The following ARMH3 variants were observed in gnomAD, a reference collection of about 807,000 sequenced individuals.
The protein encoded by ARMH3 is armadillo like helical domain containing 3, also known as armadillo-like helical domain-containing protein 3.
In ARMH3, 60 loss-of-function variants were observed where a neutral mutation model predicts 99.1. That is an observed-to-expected ratio of 0.61 (90% CI 0.49 to 0.75). The LOEUF is 0.75. ARMH3 is among the 30% of genes least tolerant of loss of function. The probability of loss-of-function intolerance (pLI) is 0.00; values close to 1 mark genes in which losing one functional copy is unlikely to be tolerated. For synonymous variants in ARMH3, 285 were observed against 292.8 expected, an observed-to-expected ratio of 0.97 and a Z score of 0.27; for missense variants, 679 against 843.1, an observed-to-expected ratio of 0.81 and a Z score of 2.41.
intron 19 of ARMH3, among the ~76,000 whole-genome samples, chr10:101,985,088 C>CAT (rs1233428242): frequency 5.4e-5 from 7 of 129,352 alleles, no homozygotes; most frequent in Admixed American, 2.3e-4. Flanking sequence ...TACACACACA[C>CAT]ACACACACAC....
Position 101,959,850 on chromosome 10 carries a change from C to T in ARMH3, c.1496-2118G>A, listed in dbSNP as rs1249218230. 1.3e-5 allele frequency among the ~76,000 whole-genome samples: 2 copies of T among 152,190 alleles called. 1 individual carries two copies. Among genetic ancestry groups the T allele is most frequent in the South Asian group, 4.1e-4 (2 of 4,822 alleles). ...AATGCAGGTCAGATATTCTGCTCCC[C>T]CAAGAACCAAGGTCTTCTCACTTGG... On this transcript the variant is annotated intron_variant, in intron 20 of 25. Transcript: ENST00000370033.
At chr10:101,851,440 A>G (rs2135262073) in intron 24 of ARMH3, among the ~76,000 whole-genome samples, 1 of 152,184 alleles carries the variant, frequency 6.6e-6, no homozygotes, top group South Asian at 2.1e-4. Context: ...CATCATGGAG[A>G]GCTCCCTGCT....
At chr10:101,947,927 G>C (rs1590068427) in intron 22 of ARMH3, among the ~76,000 whole-genome samples, 1 of 152,054 alleles carries the variant, frequency 6.6e-6, no homozygotes, top group East Asian at 1.9e-4. Context: ...TGTAATCTTA[G>C]AGTAACTGCT....
At chr10:101,962,424 A>G (rs1235834094) in intron 20 of ARMH3, among the ~76,000 whole-genome samples, 5 of 150,806 alleles carry the variant, frequency 3.3e-5, no homozygotes, top group Admixed American at 6.6e-5. Context: ...TTTACCCTCT[A>G]TCTGATACCT....
chr10:101,864,897 AG>A (rs1406116304), intron 24 of ARMH3, among the ~76,000 whole-genome samples: 9 of 151,200 alleles, frequency 6.0e-5, no homozygotes, highest in Non-Finnish European at 1.2e-4. Flanking sequence ...TAAAAAAATC[AG>A]GACTTTACAA....
chr10:101,894,073 A>G (rs2135464141), intron 23 of ARMH3, among the ~76,000 whole-genome samples: 1 of 152,328 alleles, frequency 6.6e-6, no homozygotes, highest in Middle Eastern at 3.4e-3. Context: ...TAGAAACCTG[A>G]GTAAGGTGGA....
intron 23 of ARMH3, among the ~76,000 whole-genome samples, chr10:101,911,368 G>T (rs1209515208): frequency 6.6e-6 from 1 of 152,222 alleles, no homozygotes; most frequent in Non-Finnish European, 1.5e-5. Flanking sequence ...GTCTGGAGCA[G>T]GAAGTGTAGA....
intron 24 of ARMH3, among the ~76,000 whole-genome samples, chr10:101,885,958 G>A (rs2067530141): frequency 6.6e-6 from 1 of 152,018 alleles, no homozygotes; most frequent in African/African-American, 2.4e-5. Context: ...TAGGGAGGCT[G>A]ACGCAGGAGA....
chr10:102,007,042 T>A (rs960282910), intron 13 of ARMH3, among the ~76,000 whole-genome samples: 1 of 150,190 alleles, frequency 6.7e-6, no homozygotes, highest in African/African-American at 2.5e-5. Context: ...ATGCCTGTAG[T>A]CCCAACTACT....
intron 24 of ARMH3, among the ~76,000 whole-genome samples, chr10:101,855,925 A>G (rs1191315450): frequency 6.6e-6 from 1 of 151,998 alleles, no homozygotes; most frequent in Non-Finnish European, 1.5e-5. Context: ...TATATACCAG[A>G]ATTTTCTCTC....
chr10:102,030,507 G>A (rs1420026605), intron 4 of ARMH3, among the ~76,000 whole-genome samples: 5 of 151,988 alleles, frequency 3.3e-5, no homozygotes, highest in African/African-American at 4.8e-5. Flanking sequence ...TCAGGAGTTC[G>A]AGACCAGCTT....
Position 102,015,261 on chromosome 10 carries a change from A to G in ARMH3, c.670-1237T>C, listed in dbSNP as rs1017524174. ...TGCAAGTGGGTCCTTGGAAAAGAAA[A>G]TCAAGCAAAATCGGCTGACTTAGAT... On this transcript the variant is annotated intron_variant, in intron 8 of 25. Coordinates refer to ENST00000370033, the MANE Select transcript of ARMH3 (RefSeq NM_024541.3). Among the ~76,000 whole-genome samples, 2 of 152,128 alleles carry G rather than the reference A, an allele frequency of 1.3e-5. 1 individual carries two copies. Among genetic ancestry groups the G allele is most frequent in the Non-Finnish European group, 2.9e-5 (2 of 68,030 alleles).
intron 24 of ARMH3, among the ~76,000 whole-genome samples, chr10:101,884,977 T>A (rs1393909074): frequency 1.3e-5 from 2 of 152,094 alleles, no homozygotes; most frequent in African/African-American, 2.4e-5. Flanking sequence ...AACAAAAAAA[T>A]TCCCCAATTA....
intron 20 of ARMH3, among the ~76,000 whole-genome samples, chr10:101,962,578 T>A (rs1845346270): frequency 6.6e-6 from 1 of 152,244 alleles, no homozygotes; most frequent in Non-Finnish European, 1.5e-5. Context: ...TGTAAAGCAC[T>A]TAAATTATAT....
chr10:101,868,795 G>A (rs993463195), intron 24 of ARMH3, among the ~76,000 whole-genome samples: 3 of 152,202 alleles, frequency 2.0e-5, no homozygotes, highest in Admixed American at 2.0e-4. Context: ...TTCTGGGCCA[G>A]GCACGGTGGC....
At chr10:101,885,883 C>G (rs148746501) in intron 24 of ARMH3, among the ~76,000 whole-genome samples, 272 of 151,842 alleles carry the variant, frequency 1.8e-3, no homozygotes, top group Admixed American at 3.1e-3. Context: ...GGTGAAACCC[C>G]ATCTTTACTA....
intron 20 of ARMH3, among the ~76,000 whole-genome samples, chr10:101,971,172 A>C (rs1230648646): frequency 6.6e-6 from 1 of 152,052 alleles, no homozygotes; most frequent in Non-Finnish European, 1.5e-5. Flanking sequence ...TATGCTATAG[A>C]AAACACTCCA....
intron 24 of ARMH3, among the ~76,000 whole-genome samples, chr10:101,877,044 C>A (rs759407425): frequency 6.6e-6 from 1 of 151,856 alleles, no homozygotes; most frequent in Non-Finnish European, 1.5e-5. Flanking sequence ...CTGGTCTCCA[C>A]AAAAAATTTT....
At chr10:101,986,281 G>C (rs1260365943) in intron 19 of ARMH3, among the ~76,000 whole-genome samples, 1 of 152,084 alleles carries the variant, frequency 6.6e-6, no homozygotes, top group African/African-American at 2.4e-5. Context: ...AGTTTTCGAT[G>C]TAAGAGTAAC....
Sources: allele counts gnomAD v4.1 joint callset (sites outside exome capture counted in the v4.1 genomes callset), GRCh38; gene constraint gnomAD v4.1.1; transcripts MANE v1.5; gene names NCBI Gene and HGNC (gene_info 2026-07-23, HGNC 2026-07-21).